RBM20: variants seen among roughly 807,000 people sequenced by gnomAD.
RBM20 encodes RNA-binding protein 20.
RBM20 carries 51 observed loss-of-function variants against 110.1 expected under a neutral mutation model. The observed-to-expected ratio is 0.46, with a 90% CI of 0.37 to 0.59. The LOEUF (loss-of-function observed/expected upper bound fraction) is 0.59. Ranked by LOEUF, RBM20 falls within the 20% of genes least tolerant of loss-of-function variation. The pLI is 0.00. For synonymous variants in RBM20, 589 were observed against 618.2 expected (o/e 0.95, Z 0.70); for missense variants, 1,512 against 1,574.9 (o/e 0.96, Z 0.68).
At chr10:110,655,697 A>G (rs1322172766) in intron 1 of RBM20, among the ~76,000 whole-genome samples, 3 of 152,214 alleles carry the variant, frequency 2.0e-5, no homozygotes, top group Non-Finnish European at 4.4e-5. Flanking sequence ...CATTGTTACA[A>G]GTGTTCTTTT....
At chr10:110,699,672 C>T (rs11195272) in intron 1 of RBM20, among the ~76,000 whole-genome samples, 25,254 of 152,022 alleles carry the variant, frequency 0.17, 2,345 homozygotes, top group East Asian at 0.31. Context: ...ATACGGTGGT[C>T]CCCCCTTATC....
intron 7 of RBM20, among the ~76,000 whole-genome samples, chr10:110,806,167 C>A (rs1844691992): frequency 6.6e-6 from 1 of 151,750 alleles, no homozygotes; most frequent in South Asian, 2.1e-4. Context: ...GCTTGGGAAG[C>A]TGAGGCAGGA....
intron 7 of RBM20, among the ~76,000 whole-genome samples, chr10:110,807,953 T>C (rs139851007): frequency 1.3e-5 from 2 of 152,208 alleles, no homozygotes; most frequent in African/African-American, 2.4e-5. Context: ...CGATGGCAGA[T>C]CTCATGTCAT....
chr10:110,754,319 T>C (rs1843895728), intron 1 of RBM20, among the ~76,000 whole-genome samples: 1 of 152,240 alleles, frequency 6.6e-6, no homozygotes, highest in Non-Finnish European at 1.5e-5. Context: ...TGGGTCTAGG[T>C]GTACATTCCT....
chr10:110,794,678 A>G (rs2135068307), intron 5 of RBM20, among the ~76,000 whole-genome samples: 1 of 152,366 alleles, frequency 6.6e-6, no homozygotes, highest in South Asian at 2.1e-4. Context: ...AATGACAACA[A>G]GGGAATTGGT....
intron 1 of RBM20, among the ~76,000 whole-genome samples, chr10:110,769,963 TC>T (rs1427744887): frequency 3.3e-5 from 5 of 152,158 alleles, no homozygotes; most frequent in Admixed American, 6.5e-5. Context: ...AAGTGATCCT[TC>T]TGCTGTGGCC....
chr10:110,678,545 G>T (rs1170835114), intron 1 of RBM20, among the ~76,000 whole-genome samples: 1 of 152,132 alleles, frequency 6.6e-6, no homozygotes, highest in Non-Finnish European at 1.5e-5. Flanking sequence ...GGTACAGTTT[G>T]GTTTTGGAAA....
At chr10:110,744,524 C>T (rs1400527048) in intron 1 of RBM20, among the ~76,000 whole-genome samples, 1 of 152,200 alleles carries the variant, frequency 6.6e-6, no homozygotes, top group Non-Finnish European at 1.5e-5. Flanking sequence ...CAATATCCAC[C>T]TAGCAACTTG....
chr10:110,747,253 A>T (rs1284932394), intron 1 of RBM20, among the ~76,000 whole-genome samples: 1 of 146,626 alleles, frequency 6.8e-6, no homozygotes, highest in African/African-American at 2.5e-5. Context: ...TTGCATCATC[A>T]TTTGGGAGAA....
chr10:110,836,143 T>C lies in RBM20; in HGVS notation c.*165T>C, dbSNP rs949047935. The C allele has an allele frequency of 4.0e-6, 2 of 498,722 alleles. No homozygotes were observed. Among genetic ancestry groups the C allele is most frequent in the East Asian group, 3.3e-5 (1 of 30,180 alleles). 30.9% of individuals were successfully genotyped at this position (498,722 alleles called of 1,614,324 possible). A position where few individuals can be genotyped will look rare whatever the true frequency, so the allele number is the denominator to read the frequency against. ...TCCCAGAGACTCAGTGAAATGCCCC[T>C]GATATGTCTCCAGGAGCAAGTCACC... is the stretch of plus-strand genomic sequence containing the variant. On this transcript the variant is annotated 3_prime_UTR_variant, in exon 14 of 14. Coordinates refer to ENST00000369519, the MANE Select transcript of RBM20 (RefSeq NM_001134363.3).
intron 7 of RBM20, among the ~76,000 whole-genome samples, chr10:110,807,774 CT>C (rs989907730): frequency 7.2e-5 from 11 of 152,320 alleles, no homozygotes; most frequent in African/African-American, 2.6e-4. Context: ...CTTGGGGACT[CT>C]TTTTACAACA....
chr10:110,669,207 C>T (rs1030274929), intron 1 of RBM20, among the ~76,000 whole-genome samples: 2 of 152,064 alleles, frequency 1.3e-5, no homozygotes, highest in African/African-American at 4.8e-5. Context: ...TGACGGTGAG[C>T]TTGCTTATGG....
intron 13 of RBM20, among the ~76,000 whole-genome samples, chr10:110,833,375 C>T (rs538025358): frequency 2.4e-3 from 182 of 75,230 alleles, no homozygotes; most frequent in Non-Finnish European, 3.4e-3. Flanking sequence ...GGTGACGGAG[C>T]GAAACTCTGT....
chr10:110,787,091 C>G (rs1844428718), intron 5 of RBM20, among the ~76,000 whole-genome samples: 1 of 152,236 alleles, frequency 6.6e-6, no homozygotes, highest in Admixed American at 6.5e-5. Flanking sequence ...TGCTGTGTGT[C>G]TCCAGGCAAG....
At chr10:110,646,658 G>C (rs999436381) in intron 1 of RBM20, among the ~76,000 whole-genome samples, 2 of 152,206 alleles carry the variant, frequency 1.3e-5, no homozygotes. Context: ...AATTCCGCTG[G>C]AACCAGATAT....
chr10:110,736,002 G>A (rs1843666908), intron 1 of RBM20, among the ~76,000 whole-genome samples: 1 of 152,124 alleles, frequency 6.6e-6, no homozygotes, highest in African/African-American at 2.4e-5. Context: ...ACTAGGCGGT[G>A]GGCAGAACCA....
chr10:110,692,086 A>AT (rs551516876), intron 1 of RBM20, among the ~76,000 whole-genome samples: 3,706 of 151,354 alleles, frequency 0.024, 128 homozygotes, highest in African/African-American at 0.081. Flanking sequence ...ATATGTAAAG[A>AT]TTTTTTTTTC....
chr10:110,786,852 G>C (rs150423830), intron 5 of RBM20, among the ~76,000 whole-genome samples: 2 of 152,358 alleles, frequency 1.3e-5, no homozygotes, highest in East Asian at 3.9e-4. Flanking sequence ...GCAGGGGGCA[G>C]GGCTTGTAAA....
At chr10:110,658,414 AC>A (rs1564807612) in intron 1 of RBM20, among the ~76,000 whole-genome samples, 1 of 152,156 alleles carries the variant, frequency 6.6e-6, no homozygotes, top group African/African-American at 2.4e-5. Flanking sequence ...TCCTCCAACA[AC>A]CCTGTGAAGT....
Sources: gnomAD v4.1 joint callset for allele counts (sites outside exome capture counted in the v4.1 genomes callset) on GRCh38, gnomAD v4.1.1 for gene constraint, MANE v1.5 for transcripts, NCBI Gene and HGNC (gene_info 2026-07-23, HGNC 2026-07-21) for gene names.